The following PHKA1 variants were observed in gnomAD, a reference collection of about 807,000 sequenced individuals.
PHKA1 encodes phosphorylase kinase regulatory subunit alpha 1, also known as phosphorylase b kinase regulatory subunit alpha, skeletal muscle isoform.
A neutral mutation model predicts 110.2 loss-of-function variants in PHKA1; 60 were observed. The ratio of observed to expected loss-of-function variants is 0.54; its 90% CI spans 0.44 to 0.68. The LOEUF is 0.68. PHKA1 is among the 30% of genes least tolerant of loss of function. The pLI is 0.00. For missense variants in PHKA1, 801 were observed against 942.5 expected (o/e 0.85, Z 1.97); for synonymous variants, 316 against 333.6 (o/e 0.95, Z 0.58).
At chrX:72,620,655 C>A in intron 19 of PHKA1, 70 bp downstream of exon 19, 1 of 944,971 alleles carries the variant, frequency 1.1e-6, no homozygotes, top group South Asian at 2.0e-5. Flanking sequence ...ACATTGTAAT[C>A]AATGCCCGCC....
intron 28 of PHKA1, among the ~76,000 whole-genome samples, chrX:72,595,629 T>A (rs186486376): frequency 2.0e-3 from 227 of 111,992 alleles, no homozygotes; most frequent in African/African-American, 7.0e-3. Flanking sequence ...ATCAATTAAA[T>A]TTTACTTGAG....
In PHKA1 at chrX:72,673,576, T is replaced by C. The variant is rs372519974; in HGVS notation, c.618+2494A>G. 4.5e-5 allele frequency among the ~76,000 whole-genome samples: 5 copies of C among 111,344 alleles called. No homozygotes were observed. In the East Asian group the frequency reaches 1.4e-3, roughly 31 times the overall value. ...CTATATGTAAATTTGTAATAATAAG[T>C]ACCAGTGCAAAAAGAAACAAGTTGT... On this transcript the variant is annotated intron_variant, in intron 6 of 31. Coordinates refer to ENST00000373542, the MANE Select transcript of PHKA1 (RefSeq NM_002637.4).
At chrX:72,589,918 T>C (rs1244492203) in intron 29 of PHKA1, among the ~76,000 whole-genome samples, 1 of 110,995 alleles carries the variant, frequency 9.0e-6, no homozygotes, top group African/African-American at 3.3e-5. Flanking sequence ...CTCAAGGAAA[T>C]AAGAGAGGAC....
At chrX:72,619,398 C>A in intron 19 of PHKA1, 93 bp from the exon 20 acceptor site, 1 of 553,189 alleles carries the variant, frequency 1.8e-6, no homozygotes, top group South Asian at 2.5e-5. Context: ...ACATGTGAGT[C>A]AGTTCTTCAT....
intron 6 of PHKA1, among the ~76,000 whole-genome samples, chrX:72,670,970 G>A (rs2053686855): frequency 8.9e-6 from 1 of 111,757 alleles, no homozygotes; most frequent in Non-Finnish European, 1.9e-5. Flanking sequence ...CAAACCCACA[G>A]CCAGTATCAT....
At chrX:72,624,706 T>C (rs1556281643) in intron 17 of PHKA1, among the ~76,000 whole-genome samples, 1 of 111,456 alleles carries the variant, frequency 9.0e-6, no homozygotes, top group Non-Finnish European at 1.9e-5. Flanking sequence ...AAAATCTTTA[T>C]TTCCATCTTG....
Position 72,667,461 on chromosome X carries a change from C to T in PHKA1, c.631G>A (p.Ala211Thr), listed in dbSNP as rs1556306952. ...SVGMAKAALE[A>T]LDELDLFGVK... The stretch of plus-strand genomic sequence containing the variant: ...CCAAACAGATCCAGTTCATCTAATG[C>T]TTCCAGGGCTGCCTGTGAGGAACAA... Residue 211 changes from alanine (A) to threonine (T), a missense_variant, in exon 7 of 32, where the codon GCA becomes ACA. By Grantham distance (58) the Ala-to-Thr change is moderately conservative (BLOSUM62 0). Around this residue, in one of 2 missense-constraint regions of PHKA1, gnomAD observed 299 missense variants for 423.3 expected, o/e 0.71. Coordinates refer to ENST00000373542, the MANE Select transcript of PHKA1 (RefSeq NM_002637.4). The T allele has an allele frequency of 3.3e-6, 4 of 1,204,948 alleles. No homozygotes were observed. The highest frequency in any genetic ancestry group is 1.7e-5 in the African/African-American group (1 of 57,762).
chrX:72,640,821 T>C (rs2053287683), intron 14 of PHKA1, among the ~76,000 whole-genome samples: 1 of 111,766 alleles, frequency 8.9e-6, no homozygotes, highest in Non-Finnish European at 1.9e-5. Flanking sequence ...CTGAAAAATA[T>C]ATCTGATAAA....
At chrX:72,643,270 C>T (rs782808569) in intron 14 of PHKA1, among the ~76,000 whole-genome samples, 6 of 111,180 alleles carry the variant, frequency 5.4e-5, no homozygotes, top group South Asian at 7.6e-4. Context: ...CACACACACG[C>T]GCGCACACAC....
rs1345044513 is a variant in PHKA1 at position 72,654,954 on chromosome X, C to G, written c.1041+1166G>C. On this transcript the variant is annotated intron_variant, in intron 10 of 31. Transcript: ENST00000373542. The stretch of plus-strand genomic sequence containing the variant: ...CTGGGACTACAGGCGCCCGCCACTA[C>G]GCCCGGCTAATTTTTTGTATTTTTA... Among the ~76,000 whole-genome samples, 3 of 108,883 alleles carry G rather than the reference C, an allele frequency of 2.8e-5. No individual in the cohort carries two copies. In the East Asian group the frequency reaches 8.8e-4, roughly 32 times the overall value. The allele number at this position is 108,883 out of a possible 115,157, so 94.6% of individuals were successfully genotyped here. A position where few individuals can be genotyped will look rare whatever the true frequency, so the allele number is the denominator to read the frequency against.
intron 4 of PHKA1, chrX:72,689,139 C>A (rs2054003177): frequency 8.9e-6 from 1 of 112,437 alleles, no homozygotes; most frequent in Non-Finnish European, 1.9e-5. Flanking sequence ...ATCTGTATAA[C>A]ATTAAGCCTC....
chrX:72,632,803 A>G (rs1280273169), intron 16 of PHKA1, among the ~76,000 whole-genome samples: 2 of 112,033 alleles, frequency 1.8e-5, no homozygotes, highest in Non-Finnish European at 3.8e-5. Flanking sequence ...TAGCTTTGTG[A>G]CTTTGGATAA....
chrX:72,603,063 C>T lies in PHKA1; in HGVS notation c.2917+56G>A, dbSNP rs2052678581. 5.1e-6 allele frequency: 4 copies of T among 785,803 alleles called. 1 individual carries two copies. The South Asian group carries it at 8.7e-5, about 17-fold the overall frequency. 64.8% of individuals were successfully genotyped at this position (785,803 alleles called of 1,213,427 possible). A position where few individuals can be genotyped will look rare whatever the true frequency, so the allele number is the denominator to read the frequency against. ...TGATGAAGGAAAAACATTTTAAAAC[C>T]AATGAGACACTTAAACCAAACAGTA... On this transcript the variant is annotated intron_variant, in intron 26 of 31. Transcript: ENST00000373542.
intron 4 of PHKA1, among the ~76,000 whole-genome samples, chrX:72,686,048 G>A (rs1316079552): frequency 8.1e-5 from 9 of 111,729 alleles, no homozygotes; most frequent in Admixed American, 7.6e-4. Flanking sequence ...AAAAGGACTT[G>A]AGAATGGAAA....
chrX:72,673,478 A>T (rs1393575091), intron 6 of PHKA1, among the ~76,000 whole-genome samples: 5 of 112,005 alleles, frequency 4.5e-5, no homozygotes, highest in Non-Finnish European at 9.4e-5. Context: ...ATGGTAAAAA[A>T]CTTTAAATCA....
chrX:72,585,520 G>A (rs1484269480), intron 29 of PHKA1, among the ~76,000 whole-genome samples: 1 of 112,087 alleles, frequency 8.9e-6, no homozygotes, highest in African/African-American at 3.2e-5. Flanking sequence ...GAAGACAGGT[G>A]ATTTTTGCAT....
chrX:72,600,169 A>G (rs2052640757), intron 28 of PHKA1, among the ~76,000 whole-genome samples: 1 of 111,080 alleles, frequency 9.0e-6, no homozygotes, highest in Non-Finnish European at 1.9e-5. Flanking sequence ...GGAAGTTAAT[A>G]TTTAGAAATA....
chrX:72,708,157 G>A lies in PHKA1; in HGVS notation c.238-2912C>T, dbSNP rs185505183. Among the ~76,000 whole-genome samples, 10 of 111,713 alleles carry A rather than the reference G, an allele frequency of 9.0e-5. No homozygotes were observed. The East Asian group carries it at 2.2e-3, about 25-fold the overall frequency. On this transcript the variant is annotated intron_variant, in intron 2 of 31. Coordinates refer to ENST00000373542, the MANE Select transcript of PHKA1 (RefSeq NM_002637.4). ...CAAAAATTCAAACAATACTGATTCC[G>A]AAGTCATAAGACCCAGGTTGCATTC...
rs1476294254 is a variant in PHKA1, at chrX:72,714,273, C to G, written c.-393G>C. On this transcript the variant is annotated 5_prime_UTR_variant, in exon 1 of 32. Coordinates refer to ENST00000373542, the MANE Select transcript of PHKA1 (RefSeq NM_002637.4). ...GCCAACAGGTCAACGACCGCTGCGC[C>G]GCCTCCACCTTGCGGGAGACGCGAG... 1 of 142,064 alleles carries G rather than the reference C, an allele frequency of 7.0e-6. No individual in the cohort carries two copies. The allele number at this position is 142,064 out of a possible 1,213,427, so 11.7% of individuals were successfully genotyped here.
Sources: gnomAD v4.1 joint callset for allele counts (sites outside exome capture counted in the v4.1 genomes callset) on GRCh38, gnomAD v4.1.1 for gene constraint, gnomAD v4.1.1 regional missense constraint, MANE v1.5 for transcripts, NCBI Gene and HGNC (gene_info 2026-07-23, HGNC 2026-07-21) for gene names.